XRCC6: variants seen among roughly 807,000 people sequenced by gnomAD.
XRCC6 encodes the protein DNA repair protein Ku70.
XRCC6 carries 5 observed loss-of-function variants against 65.7 expected under a neutral mutation model. That is an observed-to-expected ratio of 0.08 (90% CI 0.04 to 0.16). The LOEUF is 0.16. XRCC6 is among the 10% of genes least tolerant of loss of function. XRCC6 has a pLI of 1.00. For synonymous variants in XRCC6, 270 were observed against 270.6 expected, an observed-to-expected ratio of 1.00 and a Z score of 0.02; for missense variants, 447 against 738.1, an observed-to-expected ratio of 0.61 and a Z score of 4.57.
At chr22:41,660,783 T>C (rs1601559325) in intron 11 of XRCC6, among the ~76,000 whole-genome samples, 1 of 152,164 alleles carries the variant, frequency 6.6e-6, no homozygotes, top group East Asian at 1.9e-4. Flanking sequence ...ACCTCCTCTC[T>C]CTCACTGGGC....
intron 9 of XRCC6, 89 bp downstream of exon 9, chr22:41,653,779 T>C: frequency 1.4e-6 from 2 of 1,463,176 alleles, no homozygotes; most frequent in South Asian, 2.7e-5. Context: ...TACTGAATCA[T>C]AGTCTCTGGG....
At chr22:41,637,842 A>C in intron 6 of XRCC6, 51 bp downstream of exon 6, 2 of 1,569,028 alleles carry the variant, frequency 1.3e-6, no homozygotes, top group East Asian at 2.3e-5. Flanking sequence ...AATCAGAAGC[A>C]GGCTGGGCGC....
chr22:41,623,026 CCAG>C (rs2067628085), intron 2 of XRCC6, among the ~76,000 whole-genome samples: 1 of 151,974 alleles, frequency 6.6e-6, no homozygotes, highest in Non-Finnish European at 1.5e-5. Flanking sequence ...ACAACCACTA[CCAG>C]CATTTTGACA....
rs558746767 is a variant in XRCC6 at position 41,635,849 on chromosome 22, T to A, written c.196-264T>A. 1.2e-3 allele frequency among the ~76,000 whole-genome samples: 186 copies of A among 152,262 alleles called. 1 individual carries two copies. The highest frequency in any genetic ancestry group is 4.1e-3 in the African/African-American group (169 of 41,578). Reference sequence around the variant, plus strand: ...TGTGAGCCACTGTGCCTGGCCTGAATATACGTATTGTTAATTCTCTGATTT... The same window carrying A: ...TGTGAGCCACTGTGCCTGGCCTGAAAATACGTATTGTTAATTCTCTGATTT... On this transcript the variant is annotated intron_variant, in intron 3 of 12. Coordinates refer to ENST00000360079, the MANE Select transcript of XRCC6 (RefSeq NM_001469.5).
chr22:41,639,329 C>CTTTTTTTTT (rs386395480), intron 6 of XRCC6, among the ~76,000 whole-genome samples: 925 of 64,556 alleles, frequency 0.014, 185 homozygotes, highest in Middle Eastern at 0.021. Flanking sequence ...GATTCTTTTT[C>CTTTTTTTTT]TTTTTTTTTT....
intron 4 of XRCC6, 64 bp from the exon 5 acceptor site, chr22:41,636,449 TGTG>T (rs2067810575): frequency 1.3e-6 from 2 of 1,580,694 alleles, no homozygotes; most frequent in South Asian, 1.2e-5. Flanking sequence ...CTGTTAGTCT[TGTG>T]GTAAAGGCAG....
chr22:41,626,357 G>A (rs1276600339), intron 2 of XRCC6, among the ~76,000 whole-genome samples: 1 of 152,046 alleles, frequency 6.6e-6, no homozygotes. Context: ...TGTCCAGGAT[G>A]GTCTCAATCT....
At chr22:41,627,335 G>C (rs1455272153) in intron 2 of XRCC6, among the ~76,000 whole-genome samples, 4 of 152,106 alleles carry the variant, frequency 2.6e-5, no homozygotes, top group Non-Finnish European at 5.9e-5. Context: ...GCGGGGTGGG[G>C]TGCGGTGGCT....
chr22:41,648,263 G>A (rs2147101586), intron 7 of XRCC6: 1 of 152,016 alleles, frequency 6.6e-6, no homozygotes, highest in East Asian at 1.9e-4. Context: ...CTGGATCAGT[G>A]ATATTTTGAT....
intron 12 of XRCC6, among the ~76,000 whole-genome samples, chr22:41,662,056 G>A (rs958327127): frequency 6.6e-6 from 1 of 152,166 alleles, no homozygotes; most frequent in Admixed American, 6.5e-5. Context: ...ATAGAAGGAT[G>A]GTTACCAGAG....
intron 12 of XRCC6, 55 bp downstream of exon 12, chr22:41,661,499 G>T (rs2068099019): frequency 6.9e-7 from 1 of 1,459,786 alleles, no homozygotes; most frequent in Non-Finnish European, 9.6e-7. Flanking sequence ...TTTTATGATA[G>T]TCTTATCACA....
chr22:41,637,304 C>T (rs374141955), intron 5 of XRCC6, among the ~76,000 whole-genome samples: 4 of 152,150 alleles, frequency 2.6e-5, no homozygotes, highest in East Asian at 3.9e-4. Context: ...AGGCTGGTCT[C>T]GAACTCTGGA....
chr22:41,622,996 C>G (rs956572470), intron 2 of XRCC6, among the ~76,000 whole-genome samples: 4 of 151,882 alleles, frequency 2.6e-5, no homozygotes, highest in Non-Finnish European at 5.9e-5. Flanking sequence ...AAAAAATTTG[C>G]TATAATCTAC....
At chr22:41,641,548 C>A (rs1352155577) in intron 6 of XRCC6, among the ~76,000 whole-genome samples, 1 of 151,992 alleles carries the variant, frequency 6.6e-6, no homozygotes, top group African/African-American at 2.4e-5. Flanking sequence ...AGTATTAGAT[C>A]TTATTCATTC....
chr22:41,653,639 G>T lies in XRCC6; in HGVS notation c.1240G>T (p.Val414Leu). Residue 414 changes from valine (V) to leucine (L), a missense_variant, in exon 9 of 13, where the codon GTG becomes TTG. Coordinates refer to ENST00000360079, the MANE Select transcript of XRCC6 (RefSeq NM_001469.5). The stretch of plus-strand genomic sequence containing the variant: ...CATCCCTCCTTATTTTGTGGCTTTG[G>T]TGCCACAGGAAGAAGAGTTGGATGA... ...RNIPPYFVAL[V>L]PQEEELDDQK... 1.9e-6 allele frequency: 3 copies of T among 1,614,084 alleles called. No homozygotes were observed. Among genetic ancestry groups the T allele is most frequent in the Non-Finnish European group, 2.5e-6 (3 of 1,179,990 alleles).
intron 9 of XRCC6, among the ~76,000 whole-genome samples, chr22:41,656,213 C>T (rs1235114113): frequency 1.1e-5 from 1 of 88,066 alleles, no homozygotes; most frequent in Non-Finnish European, 2.7e-5. Flanking sequence ...AAGATCCTGT[C>T]TCAAAAAAAA....
chr22:41,637,908 T>C, intron 6 of XRCC6, 117 bp downstream of exon 6: 1 of 1,186,780 alleles, frequency 8.4e-7, no homozygotes, highest in Non-Finnish European at 1.1e-6. Context: ...GCGGATTGCT[T>C]GAGCCTAGGA....
At chr22:41,637,983 C>T (rs1165698960) in intron 6 of XRCC6, among the ~76,000 whole-genome samples, 192 bp downstream of exon 6, 1 of 131,408 alleles carries the variant, frequency 7.6e-6, no homozygotes, top group African/African-American at 3.0e-5. Context: ...AAAAAAAAAT[C>T]AGAAGCAATG....
At chr22:41,638,776 C>CAAAAAAAAA (rs56677816) in intron 6 of XRCC6, among the ~76,000 whole-genome samples, 4 of 65,662 alleles carry the variant, frequency 6.1e-5, no homozygotes, top group African/African-American at 1.7e-4. Context: ...GACTCCGCCT[C>CAAAAAAAAA]AAAAAAAAAA....
Sources: allele counts gnomAD v4.1 joint callset (sites outside exome capture counted in the v4.1 genomes callset), GRCh38; gene constraint gnomAD v4.1.1; transcripts MANE v1.5; gene names NCBI Gene and HGNC (gene_info 2026-07-23, HGNC 2026-07-21).